CUX1: variants seen among roughly 807,000 people sequenced by gnomAD.
CUX1 encodes the protein cut like homeobox 1, also known as protein CASP.
A neutral mutation model predicts 158.8 loss-of-function variants in CUX1; 31 were observed. The observed-to-expected ratio is 0.20, with a 90% CI of 0.15 to 0.26. The LOEUF (loss-of-function observed/expected upper bound fraction) is 0.26, where lower values mean the gene tolerates loss of function less well. Among genes scored for constraint, CUX1 ranks in the 10% least tolerant of loss-of-function variants. The pLI is 1.00. For missense variants in CUX1, 1,589 were observed against 2,014.6 expected (o/e 0.79, Z 4.04); for synonymous variants, 879 against 862.1 (o/e 1.02, Z -0.34).
At chr7:102,097,588 G>T in intron 5 of CUX1, 87 bp downstream of exon 5, 2 of 1,370,022 alleles carry the variant, frequency 1.5e-6, no homozygotes, top group South Asian at 3.0e-5. Flanking sequence ...ATACTTTTGA[G>T]ACCAGCTCTC....
At chr7:101,855,145 C>G (rs900801957) in intron 1 of CUX1, among the ~76,000 whole-genome samples, 2 of 152,270 alleles carry the variant, frequency 1.3e-5, no homozygotes, top group Non-Finnish European at 2.9e-5. Flanking sequence ...CATCTTACCT[C>G]CTGCTGAAGT....
chr7:102,258,424 T>G (rs1437895855), downstream of CUX1, among the ~76,000 whole-genome samples: 1 of 152,112 alleles, frequency 6.6e-6, no homozygotes, highest in Non-Finnish European at 1.5e-5. Flanking sequence ...TACATGGGGA[T>G]CTCGGGCACT....
intron 2 of CUX1, among the ~76,000 whole-genome samples, chr7:101,924,415 G>C (rs1047972400): frequency 5.3e-5 from 8 of 152,110 alleles, no homozygotes; most frequent in African/African-American, 1.9e-4. Flanking sequence ...AGGCTGCCCT[G>C]AGATAGTCAC....
At chr7:102,159,485 C>T (rs888691026) in intron 9 of CUX1, among the ~76,000 whole-genome samples, 14 of 152,192 alleles carry the variant, frequency 9.2e-5, no homozygotes, top group Admixed American at 3.9e-4. Context: ...TCAGCCATCC[C>T]CAAAACCCCT....
At position 102,253,449 on chromosome 7, in the gene CUX1, G is replaced by T; in HGVS notation, c.*4407G>T. On this transcript the variant is annotated 3_prime_UTR_variant, in exon 24 of 24. Coordinates refer to ENST00000292535, the MANE Select transcript of CUX1 (RefSeq NM_181552.4). Reference sequence around the variant, plus strand: ...CCCAGGTGAGCTCTCTGACGGGCAGGTGCCTTCCCGACTAAGGTTGGACTG... The same window carrying T: ...CCCAGGTGAGCTCTCTGACGGGCAGTTGCCTTCCCGACTAAGGTTGGACTG... 1 of 985,470 alleles carries T rather than the reference G, an allele frequency of 1.0e-6. No individual in the cohort carries two copies. The highest frequency in any genetic ancestry group is 1.7e-5 in the African/African-American group (1 of 57,358). 61.0% of individuals were successfully genotyped at this position (985,470 alleles called of 1,614,324 possible). A position where few individuals can be genotyped will look rare whatever the true frequency, so the allele number is the denominator to read the frequency against.
At chr7:102,003,324 A>G (rs1816930064) in intron 2 of CUX1, among the ~76,000 whole-genome samples, 1 of 149,268 alleles carries the variant, frequency 6.7e-6, no homozygotes, top group African/African-American at 2.5e-5. Flanking sequence ...ACACACACAC[A>G]CACACACACA....
chr7:102,108,165 T>C (rs1830559938), intron 6 of CUX1, among the ~76,000 whole-genome samples: 1 of 152,172 alleles, frequency 6.6e-6, no homozygotes, highest in Admixed American at 6.5e-5. Context: ...CGTTAAAATA[T>C]TAATAATAGT....
chr7:101,841,936 A>G (rs1795231062), intron 1 of CUX1, among the ~76,000 whole-genome samples: 1 of 152,196 alleles, frequency 6.6e-6, no homozygotes, highest in African/African-American at 2.4e-5. Context: ...ATTTCTGCTA[A>G]GTATTATTTT....
At chr7:102,167,704 A>G (rs1791205695) in intron 9 of CUX1, among the ~76,000 whole-genome samples, 1 of 152,238 alleles carries the variant, frequency 6.6e-6, no homozygotes. Context: ...TGACGTGATC[A>G]TCAGAAACAC....
rs549639921 is a variant in CUX1 at position 102,083,711 on chromosome 7, A to G, written c.268+13294A>G. ...TAGATCAATTTGAGGAAAATTGACA[A>G]CACTATTTATTCTTCCATAATATAT... is the stretch of plus-strand genomic sequence containing the variant. On this transcript the variant is annotated intron_variant, in intron 4 of 23. Coordinates refer to ENST00000292535, the MANE Select transcript of CUX1 (RefSeq NM_181552.4). Among the ~76,000 whole-genome samples the G allele has an allele frequency of 1.4e-5, 2 of 146,928 alleles. 1 individual carries two copies. The highest frequency in any genetic ancestry group is 1.4e-4 in the Admixed American group (2 of 14,484).
At chr7:101,939,480 A>G (rs1444304169) in intron 2 of CUX1, among the ~76,000 whole-genome samples, 3 of 151,994 alleles carry the variant, frequency 2.0e-5, no homozygotes, top group African/African-American at 2.4e-5. Flanking sequence ...CGTCTGAACG[A>G]TCTTGTACAG....
rs1801098435 is a variant in CUX1, at chr7:102,248,672, C to T, written c.4148C>T (p.Pro1383Leu). The T allele has an allele frequency of 3.0e-6, 4 of 1,314,082 alleles. No homozygotes were observed. The highest frequency in any genetic ancestry group is 4.0e-5 in the Admixed American group (1 of 25,092). The allele number at this position is 1,314,082 out of a possible 1,614,324, so 81.4% of individuals were successfully genotyped here. Reference protein sequence around the residue: ...TEPPPSGTPGPDDARDDDHEG... With the variant: ...TEPPPSGTPGLDDARDDDHEG... ...CCGCCGCCCTCGGGGACCCCGGGCCCGGACGACGCCCGCGACGACGACCAC... is the reference window on the plus strand; with the variant it reads ...CCGCCGCCCTCGGGGACCCCGGGCCTGGACGACGCCCGCGACGACGACCAC... Residue 1383 changes from proline to leucine, a missense_variant, in exon 24 of 24, where the codon CCG becomes CTG. Pro to Leu is a moderately conservative substitution (Grantham distance 98, BLOSUM62 -3). Around this residue, in one of 8 missense-constraint regions of CUX1, gnomAD observed 344 missense variants for 323.7 expected, o/e 1.06. Transcript: ENST00000292535. This position sits in a 1 kb window ranked among gnomAD's most constrained non-coding sequence, Gnocchi z 5.8.
intron 3 of CUX1, among the ~76,000 whole-genome samples, chr7:102,041,509 C>A (rs1289556778): frequency 6.6e-6 from 1 of 151,644 alleles, no homozygotes; most frequent in South Asian, 2.1e-4. Flanking sequence ...CCGCCTTGGC[C>A]TCCCGAAATG....
intron 22 of CUX1, chr7:102,282,882 T>G: frequency 3.9e-6 from 3 of 771,090 alleles, no homozygotes; most frequent in Non-Finnish European, 6.0e-6. Flanking sequence ...TAGCCCTCCA[T>G]CACAGCCCCC....
chr7:101,953,988 C>T (rs1809440736), intron 2 of CUX1, among the ~76,000 whole-genome samples: 1 of 152,160 alleles, frequency 6.6e-6, no homozygotes, highest in Non-Finnish European at 1.5e-5. Flanking sequence ...TTGTAACCCT[C>T]TGGTCTGGGT....
At chr7:101,913,418 C>T (rs1196966546) in intron 1 of CUX1, 2 of 1,255,608 alleles carry the variant, frequency 1.6e-6, no homozygotes, top group Non-Finnish European at 2.1e-6. Flanking sequence ...GGCGCACTGG[C>T]TCTGCAGCCC....
intron 2 of CUX1, among the ~76,000 whole-genome samples, chr7:101,965,929 C>G (rs1195425902): frequency 6.6e-6 from 1 of 151,110 alleles, no homozygotes; most frequent in African/African-American, 2.4e-5. Context: ...ATGTGTGGAC[C>G]TCATTTAGAT....
chr7:102,117,135 C>A (rs190789262), intron 8 of CUX1, among the ~76,000 whole-genome samples: 2 of 152,092 alleles, frequency 1.3e-5, no homozygotes, highest in African/African-American at 4.8e-5. Context: ...CAGTGACTCA[C>A]GCCTGTAATC....
At chr7:102,026,542 T>C (rs12113453) in intron 2 of CUX1, among the ~76,000 whole-genome samples, 60,631 of 151,636 alleles carry the variant, frequency 0.4, 12,887 homozygotes, top group Non-Finnish European at 0.46. Flanking sequence ...AATGTAGGCC[T>C]AGCCCGGTGG....
Sources: allele counts gnomAD v4.1 joint callset (sites outside exome capture counted in the v4.1 genomes callset), GRCh38; gene constraint gnomAD v4.1.1; regional missense constraint gnomAD v4.1.1; non-coding constraint Gnocchi (gnomAD v3.1); transcripts MANE v1.5; gene names NCBI Gene and HGNC (gene_info 2026-07-23, HGNC 2026-07-21).